USP6NL: variants seen among roughly 807,000 people sequenced by gnomAD.
USP6NL encodes the protein USP6 N-terminal-like protein.
A neutral mutation model predicts 61.9 loss-of-function variants in USP6NL; 26 were observed. The observed-to-expected ratio is 0.42, with a 90% CI of 0.31 to 0.58. The LOEUF (loss-of-function observed/expected upper bound fraction) is 0.58. Ranked by LOEUF, USP6NL falls within the 20% of genes least tolerant of loss-of-function variation. USP6NL has a pLI of 0.16. For synonymous variants in USP6NL, 432 were observed against 390.1 expected, an observed-to-expected ratio of 1.11 and a Z score of -1.27; for missense variants, 1,114 against 1,034.3, an observed-to-expected ratio of 1.08 and a Z score of -1.06.
chr10:11,543,849 G>A (rs1836168362), intron 2 of USP6NL, among the ~76,000 whole-genome samples: 1 of 115,000 alleles, frequency 8.7e-6, no homozygotes. Flanking sequence ...GTCTCGCTGT[G>A]TCACCAGGAT....
intron 2 of USP6NL, among the ~76,000 whole-genome samples, chr10:11,556,011 G>A (rs1050028267): frequency 2.0e-5 from 3 of 152,112 alleles, no homozygotes; most frequent in Admixed American, 6.5e-5. Context: ...GGGGTTCTAC[G>A]AGCAGAAAAA....
chr10:11,528,346 T>C lies in USP6NL; in HGVS notation c.5-779A>G, dbSNP rs987603531. On this transcript the variant is annotated intron_variant, in intron 2 of 14. Transcript: ENST00000609104. This position sits in a 1 kb window ranked among gnomAD's most constrained non-coding sequence, Gnocchi z 4.6. ...CTAAGAGAAAACTAGGCAAAGGTTA[T>C]GAGCAAGAAATTCCTAAAAGTAGCA... Among the ~76,000 whole-genome samples the C allele has an allele frequency of 6.6e-6, 1 of 151,358 alleles. No individual in the cohort carries two copies. The highest frequency in any genetic ancestry group is 1.5e-5 in the Non-Finnish European group (1 of 67,868).
At position 11,580,691 on chromosome 10, in the gene USP6NL, C is replaced by G. The variant is rs565159708; in HGVS notation, c.4+16940G>C. ...CTGGGCACCACAAAGTTTAAAAGCT[C>G]CCCTAAATGATCCTAACCTTCAGCC... On this transcript the variant is annotated intron_variant, in intron 2 of 14. Transcript: ENST00000609104. 2.4e-4 allele frequency among the ~76,000 whole-genome samples: 37 copies of G among 152,270 alleles called. 1 individual carries two copies. The highest frequency in any genetic ancestry group is 8.7e-4 in the African/African-American group (36 of 41,558).
rs534106957 is a variant in USP6NL at position 11,600,036 on chromosome 10, A to G, written c.-83-2319T>C. On this transcript the variant is annotated intron_variant, in intron 1 of 14. Coordinates refer to ENST00000609104, the MANE Select transcript of USP6NL (RefSeq NM_014688.5). The surrounding 1 kb of genome is among the most constrained non-coding windows in gnomAD (Gnocchi z 4.1). ...GTAGTTGAGCAGCACACAGGAGAAAATGTTTAGACTCCCTTTCTCCTCCCC... is the reference window on the plus strand; with the variant it reads ...GTAGTTGAGCAGCACACAGGAGAAAGTGTTTAGACTCCCTTTCTCCTCCCC... Among the ~76,000 whole-genome samples the G allele has an allele frequency of 1.1e-4, 16 of 152,236 alleles. No individual in the cohort carries two copies. The highest frequency in any genetic ancestry group is 3.6e-4 in the African/African-American group (15 of 41,552).
chr10:11,479,191 T>G (rs1172980243), intron 14 of USP6NL, among the ~76,000 whole-genome samples: 3 of 152,144 alleles, frequency 2.0e-5, no homozygotes, highest in Non-Finnish European at 4.4e-5. Context: ...TGGAAAATTC[T>G]TTACAAAAAA....
chr10:11,591,661 T>C lies in USP6NL; in HGVS notation c.4+5970A>G, dbSNP rs1838161509. The stretch of plus-strand genomic sequence containing the variant: ...AGGGAAAGGGAGAGGGAGAATCAAA[T>C]GGACAAAATGTAAATATTTGATAAA... On this transcript the variant is annotated intron_variant, in intron 2 of 14. Coordinates refer to ENST00000609104, the MANE Select transcript of USP6NL (RefSeq NM_014688.5). The surrounding 1 kb of genome is among the most constrained non-coding windows in gnomAD (Gnocchi z 4.7). Among the ~76,000 whole-genome samples the C allele has an allele frequency of 6.6e-6, 1 of 152,050 alleles. No homozygotes were observed. Among genetic ancestry groups the C allele is most frequent in the Non-Finnish European group, 1.5e-5 (1 of 67,984 alleles).
chr10:11,597,127 T>C lies in USP6NL; in HGVS notation c.4+504A>G, dbSNP rs1838357667. Among the ~76,000 whole-genome samples the C allele has an allele frequency of 6.6e-6, 1 of 152,208 alleles. No individual in the cohort carries two copies. Among genetic ancestry groups the C allele is most frequent in the Non-Finnish European group, 1.5e-5 (1 of 68,032 alleles). Reference sequence around the variant, plus strand: ...AATAGAGAGAAAATATTACATATACTATCCCCTTACAACTAAGAAGATAAA... The same window carrying C: ...AATAGAGAGAAAATATTACATATACCATCCCCTTACAACTAAGAAGATAAA... On this transcript the variant is annotated intron_variant, in intron 2 of 14. Coordinates refer to ENST00000609104, the MANE Select transcript of USP6NL (RefSeq NM_014688.5). The surrounding 1 kb of genome is among the most constrained non-coding windows in gnomAD (Gnocchi z 4.6).
At chr10:11,501,670 A>G (rs1368718605) in intron 6 of USP6NL, among the ~76,000 whole-genome samples, 2 of 152,112 alleles carry the variant, frequency 1.3e-5, no homozygotes, top group East Asian at 3.8e-4. Flanking sequence ...CTGACTCCTA[A>G]TCTCTTTCCT....
rs1395855955 is a variant in USP6NL at position 11,478,150 on chromosome 10, A to G, written c.1078+3620T>C. Among the ~76,000 whole-genome samples the G allele has an allele frequency of 6.6e-6, 1 of 152,274 alleles. No individual in the cohort carries two copies. Among genetic ancestry groups the G allele is most frequent in the Non-Finnish European group, 1.5e-5 (1 of 68,044 alleles). On this transcript the variant is annotated intron_variant, in intron 14 of 14. Transcript: ENST00000609104. The surrounding 1 kb of genome is among the most constrained non-coding windows in gnomAD (Gnocchi z 6.8). ...AAAATCTTCAACTTGCAATAGCAAT[A>G]AAAGATACAACTATCCCCCATAGGA...
intron 6 of USP6NL, among the ~76,000 whole-genome samples, chr10:11,505,897 T>A (rs1231875247): frequency 6.6e-6 from 1 of 152,146 alleles, no homozygotes; most frequent in Admixed American, 6.5e-5. Flanking sequence ...TTTTCTCTCA[T>A]CATCCCTGCT....
At chr10:11,607,569 CCA>C (rs1314775131) in intron 1 of USP6NL, among the ~76,000 whole-genome samples, 1 of 152,060 alleles carries the variant, frequency 6.6e-6, no homozygotes, top group African/African-American at 2.4e-5. Context: ...GCCTGTAGTC[CCA>C]GTTACCTGGG....
chr10:11,525,328 T>C lies in USP6NL; in HGVS notation c.155+58A>G. The stretch of plus-strand genomic sequence containing the variant: ...TTAAAAATAAAGAAAATCAATATAA[T>C]AGGTGACCACAGAAACGTTATAATC... On this transcript the variant is annotated intron_variant, in intron 4 of 14. Transcript: ENST00000609104. This position sits in a 1 kb window ranked among gnomAD's most constrained non-coding sequence, Gnocchi z 5.0. 3.7e-6 allele frequency: 5 copies of C among 1,354,056 alleles called. No individual in the cohort carries two copies. The highest frequency in any genetic ancestry group is 2.4e-5 in the East Asian group (1 of 41,062). The allele number at this position is 1,354,056 out of a possible 1,614,324, so 83.9% of individuals were successfully genotyped here.
intron 2 of USP6NL, among the ~76,000 whole-genome samples, chr10:11,534,983 T>C (rs1835779469): frequency 6.6e-6 from 1 of 152,238 alleles, no homozygotes; most frequent in Non-Finnish European, 1.5e-5. Context: ...AGAATCTGCA[T>C]GTATTCATGA....
intron 14 of USP6NL, among the ~76,000 whole-genome samples, chr10:11,472,345 CCA>C (rs1182438133): frequency 6.6e-6 from 1 of 152,210 alleles, no homozygotes; most frequent in East Asian, 1.9e-4. Context: ...CCAGTGGACG[CCA>C]CACTCAACTA....
chr10:11,607,580 G>T (rs987627977), intron 1 of USP6NL, among the ~76,000 whole-genome samples: 1 of 152,152 alleles, frequency 6.6e-6, no homozygotes, highest in African/African-American at 2.4e-5. Context: ...CAGTTACCTG[G>T]GAGGGTGAGG....
chr10:11,542,883 C>T (rs1836123403), intron 2 of USP6NL, among the ~76,000 whole-genome samples: 1 of 152,126 alleles, frequency 6.6e-6, no homozygotes, highest in Admixed American at 6.5e-5. Context: ...AAAGACAGGG[C>T]CCCGAGCTTC....
rs1591828021 is a variant in USP6NL, at chr10:11,482,020, A to G, written c.926-98T>C. Reference sequence around the variant, plus strand: ...CAGGTGTAGTGTAAAAGGGCATTAAAAAGGGCGCAAGCAGCATACAACTTA... The same window carrying G: ...CAGGTGTAGTGTAAAAGGGCATTAAGAAGGGCGCAAGCAGCATACAACTTA... On this transcript the variant is annotated intron_variant, in intron 13 of 14. Coordinates refer to ENST00000609104, the MANE Select transcript of USP6NL (RefSeq NM_014688.5). This position sits in a 1 kb window ranked among gnomAD's most constrained non-coding sequence, Gnocchi z 4.0. 8 of 1,260,608 alleles carry G rather than the reference A, an allele frequency of 6.3e-6. No homozygotes were observed. In the East Asian group the frequency reaches 2.1e-4, roughly 32 times the overall value. The allele number at this position is 1,260,608 out of a possible 1,614,324, so 78.1% of individuals were successfully genotyped here.
At chr10:11,529,515 T>C (rs962756310) in intron 2 of USP6NL, among the ~76,000 whole-genome samples, 1 of 152,220 alleles carries the variant, frequency 6.6e-6, no homozygotes, top group African/African-American at 2.4e-5. Context: ...TAAAAGCTTA[T>C]TTGGGAAAAA....
chr10:11,569,575 T>C (rs942096490), intron 2 of USP6NL, among the ~76,000 whole-genome samples: 7 of 152,198 alleles, frequency 4.6e-5, no homozygotes, highest in Admixed American at 3.9e-4. Context: ...TCAGAGAACA[T>C]GCTTTTTGGC....
Sources: gnomAD v4.1 joint callset for allele counts (sites outside exome capture counted in the v4.1 genomes callset) on GRCh38, gnomAD v4.1.1 for gene constraint, Gnocchi (gnomAD v3.1) non-coding constraint, MANE v1.5 for transcripts, NCBI Gene and HGNC (gene_info 2026-07-23, HGNC 2026-07-21) for gene names.